UGT2B11: variants seen among roughly 807,000 people sequenced by gnomAD.
UGT2B11 encodes the protein UDP glucuronosyltransferase family 2 member B11, also known as UDP-glucuronosyltransferase 2B11.
Under a neutral mutation model 51.7 loss-of-function variants are expected in UGT2B11, and 49 were observed. That is an observed-to-expected ratio of 0.95 (90% CI 0.75 to 1.20). The LOEUF (loss-of-function observed/expected upper bound fraction) is 1.20, where lower values mean the gene tolerates loss of function less well. Among genes scored for constraint, UGT2B11 ranks in the 50% most tolerant of loss-of-function variants. The probability of loss-of-function intolerance (pLI) is 0.00; values close to 1 mark genes in which losing one functional copy is unlikely to be tolerated. For missense variants in UGT2B11, 810 were observed against 622.1 expected (o/e 1.30, Z -3.21); for synonymous variants, 273 against 209.0 (o/e 1.31, Z -2.64).
At chr4:69,208,885 G>A (rs1721956893) in intron 2 of UGT2B11, among the ~76,000 whole-genome samples, 1 of 151,566 alleles carries the variant, frequency 6.6e-6, no homozygotes. Context: ...AATCACTTGT[G>A]TTTATTTCAG....
chr4:69,208,339 CCTTTATCTT>C lies in UGT2B11; in HGVS notation c.1002+3_1002+11del, dbSNP rs1721933531. The C allele has an allele frequency of 6.2e-7, 1 of 1,609,960 alleles. No homozygotes were observed. Among genetic ancestry groups the C allele is most frequent in the Non-Finnish European group, 8.5e-7 (1 of 1,177,616 alleles). On this transcript the variant is annotated splice_donor_5th_base_variant and intron_variant, in intron 3 of 5. Transcript: ENST00000446444. ...CAGCAGTTTTCCACACCAGTAAGGC[CCTTTATCTT>C]ACCTTTTGTGGGATCTTGGCAAGGG... is the stretch of plus-strand genomic sequence containing the variant.
chr4:69,224,636 C>T, the UGT2B11 span, among the ~76,000 whole-genome samples: 8 of 152,192 alleles, frequency 5.3e-5, no homozygotes, highest in African/African-American at 1.4e-4. Context: ...CCTGGAGATC[C>T]TCCTGGCTGG....
Position 69,208,156 on chromosome 4 carries a change from T to A in UGT2B11, c.1002+195A>T, listed in dbSNP as rs1181860583. On this transcript the variant is annotated intron_variant, in intron 3 of 5. Transcript: ENST00000446444. ...ACTCATGAATACCAAGGGTAGTAAC[T>A]CCCCCAGGGCCACATGTAACCACTA... is the stretch of plus-strand genomic sequence containing the variant. 3.3e-5 allele frequency among the ~76,000 whole-genome samples: 5 copies of A among 151,384 alleles called. No individual in the cohort carries two copies. The East Asian group carries it at 5.9e-4, about 18-fold the overall frequency.
chr4:69,205,978 G>A lies in UGT2B11; in HGVS notation c.1003-411C>T, dbSNP rs796742517. Among the ~76,000 whole-genome samples, 14 of 151,664 alleles carry A rather than the reference G, an allele frequency of 9.2e-5. No individual in the cohort carries two copies. In the South Asian group the frequency reaches 2.9e-3, roughly 32 times the overall value. ...TTATTAAAAATTCAAAAAATATCAT[G>A]ATGTTGGCGAGGTTGTATAGAAAAG... On this transcript the variant is annotated intron_variant, in intron 3 of 5. Transcript: ENST00000446444.
chr4:69,214,207 G>C lies in UGT2B11; in HGVS notation c.516C>G (p.Leu172=), dbSNP rs780231734. 1.2e-6 allele frequency: 2 copies of C among 1,613,132 alleles called. No homozygotes were observed. Among genetic ancestry groups the C allele is most frequent in the Non-Finnish European group, 1.7e-6 (2 of 1,179,446 alleles). Residue 172 remains leucine, a synonymous_variant, in exon 1 of 6, where the codon CTC becomes CTG. Transcript: ENST00000446444. ...ALLNIRFVYS[L]RFTPGYTIER... ...CAATTGTGTAGCCAGGAGTAAAGCG[G>C]AGACTGTACACAAACCGTATGTTAA...
At chr4:69,209,555 A>G (rs1320072051) in intron 2 of UGT2B11, among the ~76,000 whole-genome samples, 1 of 151,520 alleles carries the variant, frequency 6.6e-6, no homozygotes, top group East Asian at 2.0e-4. Flanking sequence ...AAACTTTTCC[A>G]AATGGTTTTT....
upstream of UGT2B11, among the ~76,000 whole-genome samples, chr4:69,218,643 C>T (rs1474135732): frequency 2.0e-5 from 3 of 152,010 alleles, no homozygotes; most frequent in Non-Finnish European, 4.4e-5. Flanking sequence ...TTGATTCAGA[C>T]ACCGAGAGAA....
intron 5 of UGT2B11, among the ~76,000 whole-genome samples, chr4:69,204,045 AT>A (rs1721756489): frequency 1.3e-5 from 2 of 151,630 alleles, no homozygotes; most frequent in Non-Finnish European, 3.0e-5. Flanking sequence ...ATAAAAATTA[AT>A]TTTTCAGCAA....
rs539588454 is a variant in UGT2B11 at position 69,203,684 on chromosome 4, T to C, written c.1310+746A>G. Among the ~76,000 whole-genome samples the C allele has an allele frequency of 2.0e-5, 3 of 151,608 alleles. No individual in the cohort carries two copies. In the East Asian group the frequency reaches 5.9e-4, roughly 30 times the overall value. On this transcript the variant is annotated intron_variant, in intron 5 of 5. Transcript: ENST00000446444. ...TGAAGTATTATAACACACAACAATA[T>C]GAAGTAAAATAAAAACCATAAGAAA...
At chr4:69,220,484 T>C in the UGT2B11 span, among the ~76,000 whole-genome samples, 1 of 151,608 alleles carries the variant, frequency 6.6e-6, no homozygotes, top group East Asian at 1.9e-4. Context: ...ACTACACATT[T>C]TGCACTCACA....
upstream of UGT2B11, among the ~76,000 whole-genome samples, chr4:69,219,585 A>T (rs1722360121): frequency 1.3e-5 from 2 of 152,184 alleles, no homozygotes; most frequent in Admixed American, 6.6e-5. Context: ...ATTCACAGTT[A>T]CACATGGCTT....
intron 4 of UGT2B11, 59 bp downstream of exon 4, chr4:69,205,421 C>A: frequency 6.4e-7 from 1 of 1,570,796 alleles, no homozygotes; most frequent in Non-Finnish European, 8.7e-7. Context: ...AAGCATGTTT[C>A]ATTAACCCTC....
chr4:69,206,351 G>C (rs540954806), intron 3 of UGT2B11, among the ~76,000 whole-genome samples: 1 of 151,760 alleles, frequency 6.6e-6, no homozygotes, highest in East Asian at 1.9e-4. Context: ...GAGGCCGTTA[G>C]CCTTAGGAAA....
intron 5 of UGT2B11, among the ~76,000 whole-genome samples, chr4:69,203,202 T>C (rs778554628): frequency 1.4e-4 from 21 of 151,670 alleles, no homozygotes; most frequent in African/African-American, 2.2e-4. Flanking sequence ...GTTCCAAGCA[T>C]TGGAATAGAC....
chr4:69,212,443 G>A (rs1722101692), intron 2 of UGT2B11, 130 bp downstream of exon 2: 2 of 1,463,920 alleles, frequency 1.4e-6, no homozygotes, highest in East Asian at 2.4e-5. Context: ...TTTCTAATTA[G>A]TATCTGCTTT....
chr4:69,219,956 A>G, the UGT2B11 span, among the ~76,000 whole-genome samples: 1,101 of 152,252 alleles, frequency 7.2e-3, 13 homozygotes, highest in African/African-American at 0.025. Context: ...CATTAACTCA[A>G]AAGTCCACAG....
upstream of UGT2B11, chr4:69,216,071 C>T (rs1319084602): frequency 6.6e-6 from 1 of 151,886 alleles, no homozygotes; most frequent in Non-Finnish European, 1.5e-5. Flanking sequence ...AATGTAAGTC[C>T]TCCACAGAGT....
chr4:69,218,314 A>G (rs1178597035), upstream of UGT2B11, among the ~76,000 whole-genome samples: 2 of 152,126 alleles, frequency 1.3e-5, no homozygotes, highest in African/African-American at 2.4e-5. Flanking sequence ...TACCAGTTGT[A>G]AGGAGAATCC....
the UGT2B11 span, among the ~76,000 whole-genome samples, chr4:69,221,754 C>T: frequency 2.6e-5 from 4 of 152,132 alleles, no homozygotes; most frequent in Non-Finnish European, 5.9e-5. Context: ...GAGAAGGCCA[C>T]ACCAGTGTCC....
Sources: gnomAD v4.1 joint callset for allele counts (sites outside exome capture counted in the v4.1 genomes callset) on GRCh38, gnomAD v4.1.1 for gene constraint, MANE v1.5 for transcripts, NCBI Gene and HGNC (gene_info 2026-07-23, HGNC 2026-07-21) for gene names.